THAP12: variants seen among roughly 807,000 people sequenced by gnomAD.
THAP12 encodes the protein THAP domain containing 12, also known as 52 kDa repressor of the inhibitor of the protein kinase.
THAP12 carries 20 observed loss-of-function variants against 63.0 expected under a neutral mutation model. That is an observed-to-expected ratio of 0.32 (90% CI 0.22 to 0.46). THAP12 has a LOEUF of 0.46. THAP12 is among the 20% of genes least tolerant of loss of function. The pLI, the probability that THAP12 is intolerant of heterozygous loss-of-function variation, is 1.00. For synonymous variants in THAP12, 264 were observed against 328.4 expected (o/e 0.80, Z 2.12); for missense variants, 568 against 908.2 (o/e 0.63, Z 4.81).
At chr11:76,372,952 T>G (rs895319902) in intron 1 of THAP12, among the ~76,000 whole-genome samples, 1 of 152,160 alleles carries the variant, frequency 6.6e-6, no homozygotes, top group Non-Finnish European at 1.5e-5. Flanking sequence ...CTGTCCTACC[T>G]GCTCTTAAGG....
chr11:76,365,720 C>G, intron 2 of THAP12, 132 bp downstream of exon 2: 5 of 1,194,390 alleles, frequency 4.2e-6, no homozygotes, highest in Non-Finnish European at 5.7e-6. Context: ...AGCTCCAAAT[C>G]TGTCTTCATC....
At chr11:76,360,403 G>T (rs1177094931) in intron 3 of THAP12, among the ~76,000 whole-genome samples, 1 of 152,174 alleles carries the variant, frequency 6.6e-6, no homozygotes, top group African/African-American at 2.4e-5. Context: ...CTGTACTTCT[G>T]TTCACCTAAG....
At chr11:76,360,436 T>A (rs1361743991) in intron 3 of THAP12, among the ~76,000 whole-genome samples, 3 of 152,210 alleles carry the variant, frequency 2.0e-5, no homozygotes, top group Non-Finnish European at 4.4e-5. Flanking sequence ...CAGATAGGTG[T>A]CAATCCTCAG....
rs115534187 is a variant in THAP12, at chr11:76,357,435, G to A, written c.319-1781C>T. On this transcript the variant is annotated intron_variant, in intron 3 of 4. Transcript: ENST00000260045. ...AACTAAGGATTTCTCAGAATTTAAG[G>A]TGTAAGTCCTCAGTTGTAAGATGAC... The A allele has an allele frequency of 2.7e-3, 417 of 152,178 alleles. 2 individuals carry two copies. Among genetic ancestry groups the A allele is most frequent in the African/African-American group, 9.6e-3 (397 of 41,522 alleles). 9.4% of individuals were successfully genotyped at this position (152,178 alleles called of 1,614,324 possible).
At chr11:76,376,618 T>TTG (rs1267946504) in intron 1 of THAP12, among the ~76,000 whole-genome samples, 10 of 141,166 alleles carry the variant, frequency 7.1e-5, no homozygotes, top group African/African-American at 2.4e-4. Flanking sequence ...TGTCTATGTT[T>TTG]TTTTTGTTTT....
chr11:76,365,742 G>A, intron 2 of THAP12, 110 bp downstream of exon 2: 1 of 1,319,494 alleles, frequency 7.6e-7, no homozygotes, highest in Non-Finnish European at 1.0e-6. Context: ...TAAAGTGGCA[G>A]GATATAGGAA....
intron 1 of THAP12, among the ~76,000 whole-genome samples, chr11:76,374,081 G>A (rs1946692140): frequency 6.6e-6 from 1 of 152,068 alleles, no homozygotes; most frequent in African/African-American, 2.4e-5. Context: ...ATGTTGTTTT[G>A]GTTGAAATAT....
intron 1 of THAP12, among the ~76,000 whole-genome samples, chr11:76,372,755 G>A (rs1268045193): frequency 2.6e-5 from 4 of 152,060 alleles, no homozygotes; most frequent in Admixed American, 6.5e-5. Flanking sequence ...GTGTGGTGGC[G>A]TGCGCCTATG....
Position 76,352,331 on chromosome 11 carries a change from T to C in THAP12, c.819A>G (p.Glu273=). 1 of 1,611,980 alleles carries C rather than the reference T, an allele frequency of 6.2e-7. No homozygotes were observed. ...ITDDVVDIAG[E]EHLPVLVRFV... ...ACCTCACCAACACAGGTAGGTGCTC[T>C]TCCCCTGCTATGTCCACTACATCGT... is the stretch of plus-strand genomic sequence containing the variant. Residue 273 remains glutamate (E), a synonymous_variant, in exon 5 of 5, where the codon GAA becomes GAG. Coordinates refer to ENST00000260045, the MANE Select transcript of THAP12 (RefSeq NM_004705.4).
Position 76,365,980 on chromosome 11 carries a change from T to C in THAP12, c.90-8A>G. 1 of 1,608,984 alleles carries C rather than the reference T, an allele frequency of 6.2e-7. No homozygotes were observed. Among genetic ancestry groups the C allele is most frequent in the Non-Finnish European group, 8.5e-7 (1 of 1,178,772 alleles). ...TCCACCCACTTCTGGCATCTATAAA[T>C]AAAACCAAAATACAATTATGAAAAT... On this transcript the variant is annotated splice_polypyrimidine_tract_variant and splice_region_variant and intron_variant, in intron 1 of 4. Transcript: ENST00000260045.
intron 1 of THAP12, among the ~76,000 whole-genome samples, chr11:76,379,851 C>A (rs1037560212): frequency 7.2e-5 from 11 of 152,086 alleles, no homozygotes; most frequent in Admixed American, 5.9e-4. Flanking sequence ...CACAAGTAGA[C>A]CTTCAATAAT....
chr11:76,367,956 T>C (rs1467300238), intron 1 of THAP12, among the ~76,000 whole-genome samples: 1 of 152,150 alleles, frequency 6.6e-6, no homozygotes, highest in Non-Finnish European at 1.5e-5. Flanking sequence ...CACAATTTAA[T>C]CACACTTTTA....
intron 1 of THAP12, among the ~76,000 whole-genome samples, chr11:76,369,772 C>T (rs555466129): frequency 6.6e-6 from 1 of 152,382 alleles, no homozygotes; most frequent in South Asian, 2.1e-4. Flanking sequence ...AGAAACACGG[C>T]ACGTGTTGCC....
intron 1 of THAP12, among the ~76,000 whole-genome samples, chr11:76,368,114 G>A (rs1946645131): frequency 6.6e-6 from 1 of 152,118 alleles, no homozygotes; most frequent in African/African-American, 2.4e-5. Flanking sequence ...TCCACACAGA[G>A]CAATACTGTA....
intron 1 of THAP12, among the ~76,000 whole-genome samples, chr11:76,376,543 A>G (rs987337368): frequency 6.6e-6 from 1 of 151,680 alleles, no homozygotes. Context: ...AAAGATGCCC[A>G]TCTGTCAGGA....
chr11:76,353,430 G>T (rs987889339), intron 4 of THAP12, among the ~76,000 whole-genome samples: 2 of 152,198 alleles, frequency 1.3e-5, no homozygotes, highest in African/African-American at 4.8e-5. Flanking sequence ...ATCCAAGTGC[G>T]TCTGGCTCCA....
At chr11:76,375,057 T>C (rs1445658525) in intron 1 of THAP12, among the ~76,000 whole-genome samples, 1 of 152,160 alleles carries the variant, frequency 6.6e-6, no homozygotes, top group Non-Finnish European at 1.5e-5. Context: ...TCACCTAGTC[T>C]AAGGTATTTT....
At chr11:76,358,908 G>C (rs1215086542) in intron 3 of THAP12, 1 of 152,066 alleles carries the variant, frequency 6.6e-6, no homozygotes, top group Non-Finnish European at 1.5e-5. Flanking sequence ...ATACTTAATG[G>C]GGCAAGGCAA....
At position 76,351,384 on chromosome 11, in the gene THAP12, T is replaced by C. The variant is rs773863721; in HGVS notation, c.1766A>G (p.Glu589Gly). The C allele has an allele frequency of 1.2e-6, 2 of 1,603,330 alleles. No individual in the cohort carries two copies. Among genetic ancestry groups the C allele is most frequent in the Non-Finnish European group, 8.5e-7 (1 of 1,172,258 alleles). The change falls in exon 5 of 5, where the codon GAA (glutamate) becomes GGA (glycine). Residue 589 changes from glutamate (E) to glycine (G), a missense_variant. Glu to Gly is a moderately conservative substitution (Grantham distance 98, BLOSUM62 -2). Coordinates refer to ENST00000260045, the MANE Select transcript of THAP12 (RefSeq NM_004705.4). Reference sequence around the variant, plus strand: ...CTGTTCTGAGAATATATCTTTAAGTTCCTGAATAATGTGCTCCACTGTTGG... The same window carrying C: ...CTGTTCTGAGAATATATCTTTAAGTCCCTGAATAATGTGCTCCACTGTTGG... Reference protein sequence around the residue: ...SVPTVEHIIQELKDIFSEQHL... With the variant: ...SVPTVEHIIQGLKDIFSEQHL...
Sources: allele counts gnomAD v4.1 joint callset (sites outside exome capture counted in the v4.1 genomes callset), GRCh38; gene constraint gnomAD v4.1.1; transcripts MANE v1.5; gene names NCBI Gene and HGNC (gene_info 2026-07-23, HGNC 2026-07-21).